Variants in DST observed in about 807,000 individuals in gnomAD.
The protein encoded by DST is bullous pemphigoid antigen.
DST carries 253 observed loss-of-function variants against 875.2 expected under a neutral mutation model. That is an observed-to-expected ratio of 0.29 (90% CI 0.26 to 0.32). The LOEUF is 0.32. DST is among the 10% of genes least tolerant of loss of function. DST has a pLI of 1.00. For missense variants in DST, 8,287 were observed against 9,111.6 expected (o/e 0.91, Z 3.68); for synonymous variants, 3,124 against 3,197.1 (o/e 0.98, Z 0.77).
chr6:56,522,051 T>C (rs189274953), intron 69 of DST, among the ~76,000 whole-genome samples: 3 of 152,252 alleles, frequency 2.0e-5, no homozygotes, highest in Non-Finnish European at 4.4e-5. Flanking sequence ...CTGTTTATAG[T>C]TGAATTAGCC....
intron 5 of DST, among the ~76,000 whole-genome samples, chr6:56,706,251 T>C (rs898756258): frequency 6.6e-6 from 1 of 151,228 alleles, no homozygotes; most frequent in African/African-American, 2.4e-5. Context: ...GAGGCGGAGG[T>C]TGCAGTGGGC....
chr6:56,636,277 C>G (rs1587387308), intron 23 of DST, among the ~76,000 whole-genome samples: 1 of 150,822 alleles, frequency 6.6e-6, no homozygotes, highest in East Asian at 1.9e-4. Context: ...CAAACACACA[C>G]ACACACACAC....
intron 2 of DST, 84 bp downstream of exon 2, chr6:56,953,701 G>T: frequency 2.0e-6 from 2 of 1,024,980 alleles, no homozygotes; most frequent in Non-Finnish European, 2.7e-6. Flanking sequence ...TGTCCTACTG[G>T]TTTCTTAACA....
intron 3 of DST, among the ~76,000 whole-genome samples, chr6:56,870,431 C>T: frequency 1.9e-5 from 1 of 51,370 alleles, no homozygotes; most frequent in African/African-American, 6.7e-5. Context: ...CTTGCAACTG[C>T]AAAAAAAAAA....
At chr6:56,532,207 A>G (rs1258377942) in intron 64 of DST, 137 bp downstream of exon 64, 10 of 788,106 alleles carry the variant, frequency 1.3e-5, no homozygotes, top group Non-Finnish European at 2.0e-5. Context: ...AGGCACTACA[A>G]TCTTTGCTAT....
intron 3 of DST, among the ~76,000 whole-genome samples, chr6:56,885,913 T>C (rs1784487902): frequency 6.6e-6 from 1 of 152,236 alleles, no homozygotes; most frequent in Non-Finnish European, 1.5e-5. Flanking sequence ...CTGAGCTGCA[T>C]GTAGCAAGGG....
Position 56,593,858 on chromosome 6 carries a change from C to T in DST, c.12531G>A (p.Gln4177=), listed in dbSNP as rs1038893936. 1 of 1,613,852 alleles carries T rather than the reference C, an allele frequency of 6.2e-7. No homozygotes were observed. The highest frequency in any genetic ancestry group is 1.3e-5 in the African/African-American group (1 of 74,918). The change falls in exon 48 of 104, where the codon CAG becomes CAA. Residue 4177 remains glutamine (Q), a synonymous_variant. Coordinates refer to ENST00000680361, the MANE Select transcript of DST (RefSeq NM_001374736.1). ...INGLMTKLKR[Q]KSFSEDVISH... The stretch of plus-strand genomic sequence containing the variant: ...AAATAACGTCTTCTGAGAAACTCTT[C>T]TGCCTCTTCAATTTGGTCATTAAAC...
At chr6:56,802,817 A>G (rs1475503240) in intron 4 of DST, among the ~76,000 whole-genome samples, 5 of 152,232 alleles carry the variant, frequency 3.3e-5, no homozygotes, top group Non-Finnish European at 5.9e-5. Flanking sequence ...AGCCAAACCA[A>G]TATAAACATC....
chr6:56,617,116 G>T (rs377110563), intron 36 of DST: 5 of 1,611,728 alleles, frequency 3.1e-6, no homozygotes, highest in Non-Finnish European at 4.2e-6. Flanking sequence ...TCTTAAGACC[G>T]AGTCGCAGCT....
At chr6:56,471,713 C>T (rs2094903653) in intron 94 of DST, 1 of 380,928 alleles carries the variant, frequency 2.6e-6, no homozygotes, top group South Asian at 2.4e-5. Context: ...ATCAAATACA[C>T]ACAATCAAAA....
intron 4 of DST, among the ~76,000 whole-genome samples, chr6:56,759,116 T>C (rs912615801): frequency 6.6e-6 from 1 of 152,162 alleles, no homozygotes; most frequent in African/African-American, 2.4e-5. Flanking sequence ...TGTGGGTCAC[T>C]GCAGCAAATT....
In DST at chr6:56,648,546, T is replaced by A. The variant is rs774912712; in HGVS notation, c.1554+24A>T. The A allele has an allele frequency of 1.2e-5, 18 of 1,546,918 alleles. No individual in the cohort carries two copies. The African/African-American group carries it at 2.5e-4, about 21-fold the overall frequency. On this transcript the variant is annotated intron_variant, in intron 13 of 103. Coordinates refer to ENST00000680361, the MANE Select transcript of DST (RefSeq NM_001374736.1). The stretch of plus-strand genomic sequence containing the variant: ...AGGGTTTACAATTGAATCAATCCTA[T>A]GTAATTTCTACAGTGACACTAACCT...
At chr6:56,635,792 G>C in intron 23 of DST, 78 bp from the exon 24 acceptor site, 1 of 1,463,860 alleles carries the variant, frequency 6.8e-7, no homozygotes, top group Non-Finnish European at 9.5e-7. Flanking sequence ...CCAATACCAA[G>C]GTCCTATGTG....
rs2152798638 is a variant in DST, at chr6:56,650,944, C to T, written c.1416G>A (p.Gly472=). The T allele has an allele frequency of 1.2e-6, 2 of 1,611,708 alleles. No homozygotes were observed. Among genetic ancestry groups the T allele is most frequent in the South Asian group, 1.1e-5 (1 of 90,856 alleles). The change falls in exon 12 of 104, where the codon GGG becomes GGA. Residue 472 remains glycine, a synonymous_variant. Coordinates refer to ENST00000680361, the MANE Select transcript of DST (RefSeq NM_001374736.1). ...YDAFPKVPEG[G]EGIGANDVEV... is the part of the protein sequence containing the mutation. ...TACTCACATTTGCACCAATGCCTTC[C>T]CCACCTTCAGGGACTTTAGGAAATG...
At chr6:56,618,940 C>A (rs781104478) in intron 36 of DST, 1 of 1,614,154 alleles carries the variant, frequency 6.2e-7, no homozygotes, top group South Asian at 1.1e-5. Context: ...CTTTCTGCTC[C>A]CCGCGTCGCT....
intron 42 of DST, 47 bp downstream of exon 42, chr6:56,603,158 T>A: frequency 1.3e-6 from 2 of 1,555,108 alleles, no homozygotes; most frequent in Non-Finnish European, 1.7e-6. Flanking sequence ...AATCCTCAAA[T>A]AATAAAATTT....
intron 3 of DST, among the ~76,000 whole-genome samples, chr6:56,855,596 T>C (rs1767485572): frequency 6.6e-6 from 1 of 152,224 alleles, no homozygotes; most frequent in African/African-American, 2.4e-5. Flanking sequence ...CATACCACAT[T>C]GTTTATTGTC....
chr6:56,953,945 AC>A (rs1460970374), intron 1 of DST, 126 bp from the exon 2 acceptor site: 2 of 514,324 alleles, frequency 3.9e-6, no homozygotes, highest in Non-Finnish European at 3.3e-6. Flanking sequence ...ATTCGGTGGG[AC>A]ATCCTGGGGG....
At chr6:56,598,084 T>C in intron 46 of DST, 78 bp from the exon 47 acceptor site, 1 of 1,312,474 alleles carries the variant, frequency 7.6e-7, no homozygotes, top group Non-Finnish European at 1.0e-6. Context: ...AAGTAAATAC[T>C]TAGAACATTT....
Sources: allele counts gnomAD v4.1 joint callset (sites outside exome capture counted in the v4.1 genomes callset), GRCh38; gene constraint gnomAD v4.1.1; transcripts MANE v1.5; gene names NCBI Gene and HGNC (gene_info 2026-07-23, HGNC 2026-07-21).